RANGRF: variants seen among roughly 807,000 people sequenced by gnomAD.
RANGRF encodes RAN guanine nucleotide release factor.
In RANGRF, 17 loss-of-function variants were observed where a neutral mutation model predicts 21.8. The ratio of observed to expected loss-of-function variants is 0.78; its 90% CI spans 0.53 to 1.17. The LOEUF is 1.17. Ranked by LOEUF, RANGRF falls within the 50% of genes most tolerant of loss-of-function variation. RANGRF has a pLI of 0.00. For synonymous variants in RANGRF, 97 were observed against 94.3 expected, an observed-to-expected ratio of 1.03 and a Z score of -0.17; for missense variants, 225 against 235.5, an observed-to-expected ratio of 0.96 and a Z score of 0.29.
At chr17:8,289,099 A>G (rs1990270865) in intron 2 of RANGRF, 27 bp downstream of exon 2, 2 of 1,610,474 alleles carry the variant, frequency 1.2e-6, no homozygotes, top group Admixed American at 1.7e-5. Flanking sequence ...CGGCTGGCCA[A>G]TGGCAGGGGC....
In RANGRF at chr17:8,289,250, T is replaced by C. The variant is rs759290954; in HGVS notation, c.195-8T>C. The C allele has an allele frequency of 3.1e-6, 5 of 1,613,110 alleles. No homozygotes were observed. The highest frequency in any genetic ancestry group is 3.4e-6 in the Non-Finnish European group (4 of 1,179,950). ...ATGTCCCTTCCTGACCCCGCTTCCCTACTCCAGGTACCACTTTGAGGATGT... is the reference window on the plus strand; with the variant it reads ...ATGTCCCTTCCTGACCCCGCTTCCCCACTCCAGGTACCACTTTGAGGATGT... On this transcript the variant is annotated splice_polypyrimidine_tract_variant and splice_region_variant and intron_variant, in intron 2 of 4. Coordinates refer to ENST00000226105, the MANE Select transcript of RANGRF (RefSeq NM_016492.5).
In RANGRF at chr17:8,289,012, A is replaced by G; in HGVS notation, c.134A>G (p.Gln45Arg). The G allele has an allele frequency of 1.2e-6, 2 of 1,614,102 alleles. No homozygotes were observed. Among genetic ancestry groups the G allele is most frequent in the Non-Finnish European group, 1.7e-6 (2 of 1,180,014 alleles). ...GTTTTCTGCCATCCCGTGACGGACC[A>G]GAGCCTGATAGTGGAACTTCTCGAG... is the stretch of plus-strand genomic sequence containing the variant. ...QEVFCHPVTD[Q>R]SLIVELLELQ... Residue 45 changes from glutamine (Q) to arginine (R), a missense_variant, in exon 2 of 5, where the codon CAG becomes CGG. Transcript: ENST00000226105.
intron 4 of RANGRF, 108 bp downstream of exon 4, chr17:8,289,696 G>C (rs1990328173): frequency 6.2e-7 from 1 of 1,610,538 alleles, no homozygotes. Context: ...AAGGAAGCAG[G>C]AGTGGGCCAG....
In RANGRF at chr17:8,289,329, G is replaced by C. The variant is rs1247147993; in HGVS notation, c.266G>C (p.Ser89Thr). 1.2e-6 allele frequency: 2 copies of C among 1,614,186 alleles called. No individual in the cohort carries two copies. The highest frequency in any genetic ancestry group is 4.5e-5 in the East Asian group (2 of 44,886). The change falls in exon 3 of 5, where the codon AGT (serine) becomes ACT (threonine). Residue 89 changes from serine (S) to threonine (T), a missense_variant. Ser to Thr is a moderately conservative substitution (Grantham distance 58). Coordinates refer to ENST00000226105, the MANE Select transcript of RANGRF (RefSeq NM_016492.5). ...AVHVESVQPL[S>T]LENLALRGRC... ...CATGTGGAGTCTGTTCAGCCTCTCA[G>C]TTTGGAGAACCTGGCCCTGAGGGGC... is the stretch of plus-strand genomic sequence containing the variant.
Position 8,288,695 on chromosome 17 carries a change from G to C in RANGRF, c.-94G>C. 1 of 1,387,992 alleles carries C rather than the reference G, an allele frequency of 7.2e-7. No individual in the cohort carries two copies. Among genetic ancestry groups the C allele is most frequent in the Non-Finnish European group, 1.0e-6 (1 of 976,804 alleles). The allele number at this position is 1,387,992 out of a possible 1,614,324, so 86.0% of individuals were successfully genotyped here. ...GGGAGCTAAGCCAGACCCGGGTGGC[G>C]GTGGCAGCTGCGAAACCCAGGGAGC... On this transcript the variant is annotated 5_prime_UTR_variant, in exon 1 of 5. Transcript: ENST00000226105.
chr17:8,289,169 C>T, intron 2 of RANGRF, 89 bp from the exon 3 acceptor site: 1 of 1,599,998 alleles, frequency 6.3e-7, no homozygotes, highest in Non-Finnish European at 8.6e-7. Context: ...TGAGACCACG[C>T]ACGGGCCGGG....
At chr17:8,289,161 A>G in intron 2 of RANGRF, 89 bp downstream of exon 2, 1 of 1,600,304 alleles carries the variant, frequency 6.2e-7, no homozygotes, top group Non-Finnish European at 8.6e-7. Context: ...CCGGGCGGTG[A>G]GACCACGCAC....
In RANGRF at chr17:8,288,938, T is replaced by G. The variant is rs757878003; in HGVS notation, c.78-18T>G. On this transcript the variant is annotated intron_variant, in intron 1 of 4. Transcript: ENST00000226105. ...GAAGAGACCGGGGTCAACCAGGGTC[T>G]GCCTCGCCTCACTCCAGCGACCTCC... The G allele has an allele frequency of 2.5e-6, 4 of 1,614,050 alleles. No individual in the cohort carries two copies. Among genetic ancestry groups the G allele is most frequent in the Non-Finnish European group, 3.4e-6 (4 of 1,179,924 alleles).
Position 8,289,955 on chromosome 17 carries a change from T to C in RANGRF, c.*19T>C. ...CCAGTAAAGGCGCTGAAGCACTGCA[T>C]GATGTTGCTGAGAACTTGGGGACTC... On this transcript the variant is annotated 3_prime_UTR_variant, in exon 5 of 5. Coordinates refer to ENST00000226105, the MANE Select transcript of RANGRF (RefSeq NM_016492.5). 1 of 1,613,940 alleles carries C rather than the reference T, an allele frequency of 6.2e-7. No individual in the cohort carries two copies. Among genetic ancestry groups the C allele is most frequent in the South Asian group, 1.1e-5 (1 of 91,080 alleles).
Position 8,288,700 on chromosome 17 carries a change from C to A in RANGRF, c.-89C>A. 1 of 1,443,742 alleles carries A rather than the reference C, an allele frequency of 6.9e-7. No homozygotes were observed. Among genetic ancestry groups the A allele is most frequent in the South Asian group, 1.1e-5 (1 of 87,508 alleles). 89.4% of individuals were successfully genotyped at this position (1,443,742 alleles called of 1,614,324 possible). ...CTAAGCCAGACCCGGGTGGCGGTGG[C>A]AGCTGCGAAACCCAGGGAGCCGATG... On this transcript the variant is annotated 5_prime_UTR_variant, in exon 1 of 5. Transcript: ENST00000226105.
Position 8,289,932 on chromosome 17 carries a change from A to C in RANGRF, c.557A>C (p.Gln186Pro), listed in dbSNP as rs1442168428. 2 of 1,614,064 alleles carry C rather than the reference A, an allele frequency of 1.2e-6. No individual in the cohort carries two copies. The highest frequency in any genetic ancestry group is 2.7e-5 in the African/African-American group (2 of 74,926). ...TLHDPNIFGPQ is the reference protein window; with the variant it reads ...TLHDPNIFGPP Reference sequence around the variant, plus strand: ...CACGATCCTAACATCTTTGGTCCCCAGTAAAGGCGCTGAAGCACTGCATGA... The same window carrying C: ...CACGATCCTAACATCTTTGGTCCCCCGTAAAGGCGCTGAAGCACTGCATGA... The change falls in exon 5 of 5, where the codon CAG (glutamine) becomes CCG (proline). Residue 186 changes from glutamine (Q) to proline (P), a missense_variant. Transcript: ENST00000226105.
In RANGRF at chr17:8,288,778, G is replaced by A; in HGVS notation, c.-11G>A. On this transcript the variant is annotated 5_prime_UTR_variant, in exon 1 of 5. Coordinates refer to ENST00000226105, the MANE Select transcript of RANGRF (RefSeq NM_016492.5). Reference sequence around the variant, plus strand: ...AAACCTTTCTAATGCCCATAACCCAGCCTCAGACCCATGGAGCCCACGAGA... The same window carrying A: ...AAACCTTTCTAATGCCCATAACCCAACCTCAGACCCATGGAGCCCACGAGA... 1 of 1,613,972 alleles carries A rather than the reference G, an allele frequency of 6.2e-7. No homozygotes were observed. The highest frequency in any genetic ancestry group is 2.2e-5 in the East Asian group (1 of 44,874).
chr17:8,289,143 C>A, intron 2 of RANGRF, 71 bp downstream of exon 2: 1 of 1,601,046 alleles, frequency 6.2e-7, no homozygotes, highest in Non-Finnish European at 8.5e-7. Flanking sequence ...CCGCGGCCGA[C>A]GGTTAATCCG....
At position 8,288,838 on chromosome 17, in the gene RANGRF, T is replaced by A. The variant is rs764464019; in HGVS notation, c.50T>A (p.Ile17Asn). ...CTGTTCGGGGGCGCCTTTTCCGCCA[T>A]CCTCCCCATGGGGGCCATTGACGTA... is the stretch of plus-strand genomic sequence containing the variant. Reference protein sequence around the residue: ...CPLFGGAFSAILPMGAIDVSD... With the variant: ...CPLFGGAFSANLPMGAIDVSD... The change falls in exon 1 of 5, where the codon ATC (isoleucine) becomes AAC (asparagine). Residue 17 changes from isoleucine to asparagine, a missense_variant. Physicochemically the swap from Ile to Asn is moderately radical, Grantham distance 149. Coordinates refer to ENST00000226105, the MANE Select transcript of RANGRF (RefSeq NM_016492.5). The A allele has an allele frequency of 3.7e-5, 60 of 1,613,918 alleles. No homozygotes were observed. Among genetic ancestry groups the A allele is most frequent in the Admixed American group, 2.5e-4 (15 of 59,990 alleles).
chr17:8,289,381 T>G lies in RANGRF; in HGVS notation c.318T>G (p.Ser106=), dbSNP rs745490925. The G allele has an allele frequency of 6.2e-7, 1 of 1,613,962 alleles. No homozygotes were observed. Among genetic ancestry groups the G allele is most frequent in the Non-Finnish European group, 8.5e-7 (1 of 1,180,006 alleles). ...GCTGTCAAGAAGCCTGGGTCCTCTC[T>G]GGCAAGCAGCAGATAGCTAAGGAAA... is the stretch of plus-strand genomic sequence containing the variant. ...RGRCQEAWVL[S]GKQQIAKENQ... is the part of the protein sequence containing the mutation. The change falls in exon 3 of 5, where the codon TCT becomes TCG. Residue 106 remains serine, a synonymous_variant. Coordinates refer to ENST00000226105, the MANE Select transcript of RANGRF (RefSeq NM_016492.5).
rs150856064 is a variant in RANGRF at position 8,288,840 on chromosome 17, C to T, written c.52C>T (p.Leu18Phe). ...GTTCGGGGGCGCCTTTTCCGCCATC[C>T]TCCCCATGGGGGCCATTGACGTAAG... The part of the protein sequence containing the change: ...PLFGGAFSAI[L>F]PMGAIDVSDL... Residue 18 changes from leucine (L) to phenylalanine (F), a missense_variant, in exon 1 of 5, where the codon CTC becomes TTC. Transcript: ENST00000226105. The T allele has an allele frequency of 1.0e-3, 1,646 of 1,614,228 alleles. No individual in the cohort carries two copies. The highest frequency in any genetic ancestry group is 1.3e-3 in the Non-Finnish European group (1,492 of 1,180,040).
rs200354447 is a variant in RANGRF, at chr17:8,289,608, C to T, written c.437+20C>T. ...GCCCCCGTAAGGAGGAAGGAACGGGCGGGTATCTCATGACTGGGTTCCCAG... is the reference window on the plus strand; with the variant it reads ...GCCCCCGTAAGGAGGAAGGAACGGGTGGGTATCTCATGACTGGGTTCCCAG... On this transcript the variant is annotated intron_variant, in intron 4 of 4. Transcript: ENST00000226105. The T allele has an allele frequency of 4.8e-5, 77 of 1,609,496 alleles. 1 individual carries two copies. Among genetic ancestry groups the T allele is most frequent in the African/African-American group, 3.9e-4 (29 of 74,920 alleles).
chr17:8,289,507 C>A lies in RANGRF; in HGVS notation c.356C>A (p.Ala119Glu), dbSNP rs371382956. The change falls in exon 4 of 5, where the codon GCA (alanine) becomes GAA (glutamate). Residue 119 changes from alanine (A) to glutamate (E), a missense_variant. Transcript: ENST00000226105. The stretch of plus-strand genomic sequence containing the variant: ...TCCTGACTCTGATCCCCTTAGGTAG[C>A]AAAGGACGTGACACTTCATCAGGCC... ...QQIAKENQQVAKDVTLHQALL... is the reference protein window; with the variant it reads ...QQIAKENQQVEKDVTLHQALL... 1.9e-5 allele frequency: 30 copies of A among 1,614,056 alleles called. No individual in the cohort carries two copies. In the Admixed American group the frequency reaches 2.5e-4, roughly 13 times the overall value.
rs758325050 is a variant in RANGRF at position 8,289,972 on chromosome 17, T to G, written c.*36T>G. ...GCACTGCATGATGTTGCTGAGAACT[T>G]GGGGACTCGGTTCTGTGAGGGGGAA... On this transcript the variant is annotated 3_prime_UTR_variant, in exon 5 of 5. Transcript: ENST00000226105. 3 of 1,613,238 alleles carry G rather than the reference T, an allele frequency of 1.9e-6. No homozygotes were observed. The highest frequency in any genetic ancestry group is 2.5e-6 in the Non-Finnish European group (3 of 1,179,332).
Sources: gnomAD v4.1 joint callset for allele counts on GRCh38, gnomAD v4.1.1 for gene constraint, MANE v1.5 for transcripts, NCBI Gene and HGNC (gene_info 2026-07-23, HGNC 2026-07-21) for gene names.